Variants in ATP2B2 observed in about 807,000 individuals in gnomAD.
The protein encoded by ATP2B2 is plasma membrane calcium-transporting ATPase 2.
ATP2B2 carries 15 observed loss-of-function variants against 120.0 expected under a neutral mutation model. The observed-to-expected ratio is 0.12, with a 90% CI of 0.08 to 0.19. The LOEUF is 0.19. Ranked by LOEUF, ATP2B2 falls within the 10% of genes least tolerant of loss-of-function variation. The pLI, the probability that ATP2B2 is intolerant of heterozygous loss-of-function variation, is 1.00. For missense variants in ATP2B2, 1,045 were observed against 1,719.8 expected (o/e 0.61, Z 6.94); for synonymous variants, 694 against 700.3 (o/e 0.99, Z 0.14).
intron 8 of ATP2B2, among the ~76,000 whole-genome samples, chr3:10,384,422 T>C (rs2124835504): frequency 6.6e-6 from 1 of 152,272 alleles, no homozygotes; most frequent in Admixed American, 6.5e-5. Context: ...GACTATTATG[T>C]CACTTTATTT....
At chr3:10,568,774 T>TG (rs1382456516) in intron 2 of ATP2B2, among the ~76,000 whole-genome samples, 9 of 152,212 alleles carry the variant, frequency 5.9e-5, no homozygotes, top group Non-Finnish European at 1.5e-5. Flanking sequence ...CCTATAGCCG[T>TG]GTCTTTCTGT....
At chr3:10,596,959 G>A (rs764492358) in intron 2 of ATP2B2, among the ~76,000 whole-genome samples, 1 of 152,248 alleles carries the variant, frequency 6.6e-6, no homozygotes, top group East Asian at 1.9e-4. Flanking sequence ...AGGCGAGTAC[G>A]CGTGCACACA....
intron 21 of ATP2B2, 114 bp from the exon 22 acceptor site, chr3:10,338,472 C>T (rs1559528025): frequency 3.5e-6 from 3 of 860,394 alleles, no homozygotes; most frequent in Non-Finnish European, 1.8e-6. Context: ...GGCATGTGAT[C>T]AATCTACTCC....
At chr3:10,530,645 A>G (rs1005940884) in intron 3 of ATP2B2, among the ~76,000 whole-genome samples, 5 of 152,184 alleles carry the variant, frequency 3.3e-5, no homozygotes, top group African/African-American at 1.2e-4. Flanking sequence ...GGAAAAGTTC[A>G]AACTCCCCAA....
At chr3:10,652,786 A>C (rs1479611854) in intron 1 of ATP2B2, among the ~76,000 whole-genome samples, 1 of 152,234 alleles carries the variant, frequency 6.6e-6, no homozygotes, top group East Asian at 1.9e-4. Flanking sequence ...TCAAAAAGAA[A>C]GGAAATCCAA....
At chr3:10,588,449 T>G (rs1266081186) in intron 2 of ATP2B2, among the ~76,000 whole-genome samples, 1 of 152,192 alleles carries the variant, frequency 6.6e-6, no homozygotes, top group Non-Finnish European at 1.5e-5. Flanking sequence ...CTAGATGCCT[T>G]CTGATGGCAA....
At chr3:10,600,404 C>T (rs188601308) in intron 2 of ATP2B2, among the ~76,000 whole-genome samples, 1 of 152,172 alleles carries the variant, frequency 6.6e-6, no homozygotes, top group Non-Finnish European at 1.5e-5. Flanking sequence ...GTCCAGACAT[C>T]GGACTTCCAT....
chr3:10,354,095 C>G (rs1318606902), intron 14 of ATP2B2, among the ~76,000 whole-genome samples: 1 of 152,248 alleles, frequency 6.6e-6, no homozygotes, highest in Non-Finnish European at 1.5e-5. Context: ...CCTCCCTTAG[C>G]CTCTGTGTGT....
At chr3:10,469,058 A>C (rs2064874387) in intron 1 of ATP2B2, among the ~76,000 whole-genome samples, 3 of 151,796 alleles carry the variant, frequency 2.0e-5, no homozygotes, top group Admixed American at 2.0e-4. Flanking sequence ...CTCATCTCGC[A>C]AACTTTTGCT....
intron 2 of ATP2B2, among the ~76,000 whole-genome samples, chr3:10,442,194 T>C (rs1002163646): frequency 6.6e-6 from 1 of 152,146 alleles, no homozygotes; most frequent in Admixed American, 6.5e-5. Context: ...GTCTGCCTAA[T>C]GCTCTGCCTA....
At chr3:10,393,436 G>C (rs907803605) in intron 5 of ATP2B2, among the ~76,000 whole-genome samples, 2 of 152,132 alleles carry the variant, frequency 1.3e-5, no homozygotes, top group African/African-American at 4.8e-5. Flanking sequence ...GCCACTTTTC[G>C]CTCAGCTGTC....
At chr3:10,504,443 C>G (rs1015851077) in intron 1 of ATP2B2, among the ~76,000 whole-genome samples, 1 of 152,144 alleles carries the variant, frequency 6.6e-6, no homozygotes, top group African/African-American at 2.4e-5. Flanking sequence ...GACCCTCTGC[C>G]GGCTGGTCGG....
chr3:10,426,810 G>A (rs1055918530), intron 2 of ATP2B2, among the ~76,000 whole-genome samples: 2 of 129,348 alleles, frequency 1.5e-5, no homozygotes, highest in South Asian at 2.6e-4. Context: ...ATCAGGAGCC[G>A]TTTCCTAGAA....
chr3:10,615,177 G>A (rs1369024623), intron 2 of ATP2B2, among the ~76,000 whole-genome samples: 1 of 152,172 alleles, frequency 6.6e-6, no homozygotes, highest in African/African-American at 2.4e-5. Context: ...ACATCAGGAA[G>A]CTGCTGGAGG....
At chr3:10,483,020 G>A (rs889252738) in intron 1 of ATP2B2, among the ~76,000 whole-genome samples, 4 of 152,212 alleles carry the variant, frequency 2.6e-5, no homozygotes, top group African/African-American at 4.8e-5. Context: ...CCAGAGAGGT[G>A]AAGTCGCTTA....
chr3:10,500,987 T>C (rs11720930), intron 1 of ATP2B2, among the ~76,000 whole-genome samples: 58,927 of 151,754 alleles, frequency 0.39, 11,728 homozygotes, highest in South Asian at 0.54. Context: ...ACCAGAGGGC[T>C]TACACAGCTT....
chr3:10,449,061 G>A (rs1003599560), intron 2 of ATP2B2, among the ~76,000 whole-genome samples: 1 of 152,146 alleles, frequency 6.6e-6, no homozygotes, highest in Non-Finnish European at 1.5e-5. Flanking sequence ...GCCACTCTGC[G>A]GCTGTGGGGC....
chr3:10,432,809 C>A (rs113694076), intron 2 of ATP2B2, among the ~76,000 whole-genome samples: 4 of 152,124 alleles, frequency 2.6e-5, no homozygotes, highest in African/African-American at 9.7e-5. Context: ...ACAGAGGGAA[C>A]GACAGGGAAG....
At chr3:10,410,515 C>T (rs2062572128) in intron 3 of ATP2B2, 103 bp downstream of exon 3, 1 of 1,412,628 alleles carries the variant, frequency 7.1e-7, no homozygotes, top group Non-Finnish European at 9.6e-7. Flanking sequence ...TCGGTTTCTT[C>T]CCCTGGGAGG....
Sources: gnomAD v4.1 joint callset for allele counts (sites outside exome capture counted in the v4.1 genomes callset) on GRCh38, gnomAD v4.1.1 for gene constraint, MANE v1.5 for transcripts, NCBI Gene and HGNC (gene_info 2026-07-23, HGNC 2026-07-21) for gene names.